ADAMTS3: variants seen among roughly 807,000 people sequenced by gnomAD.
ADAMTS3 encodes ADAM metallopeptidase with thrombospondin type 1 motif 3.
In ADAMTS3, 73 loss-of-function variants were observed where a neutral mutation model predicts 129.0. The observed-to-expected ratio is 0.57, with a 90% CI of 0.47 to 0.69. ADAMTS3 has a LOEUF of 0.69. Ranked by LOEUF, ADAMTS3 falls within the 30% of genes least tolerant of loss-of-function variation. ADAMTS3 has a pLI of 0.00. For missense variants in ADAMTS3, 1,457 were observed against 1,514.5 expected, an observed-to-expected ratio of 0.96 and a Z score of 0.63; for synonymous variants, 477 against 510.8, an observed-to-expected ratio of 0.93 and a Z score of 0.89.
chr4:72,522,219 C>G (rs962159471), intron 3 of ADAMTS3, among the ~76,000 whole-genome samples: 1 of 152,136 alleles, frequency 6.6e-6, no homozygotes, highest in Non-Finnish European at 1.5e-5. Flanking sequence ...ACCTTTCCTC[C>G]CACCATTGAC....
intron 3 of ADAMTS3, among the ~76,000 whole-genome samples, chr4:72,443,571 A>C (rs1278393554): frequency 6.6e-6 from 1 of 151,674 alleles, no homozygotes; most frequent in East Asian, 2.0e-4. Context: ...AAGTAGTTTA[A>C]TACTTGTTCA....
At chr4:72,421,651 A>G (rs1044410603) in intron 3 of ADAMTS3, among the ~76,000 whole-genome samples, 5 of 152,182 alleles carry the variant, frequency 3.3e-5, no homozygotes, top group African/African-American at 7.2e-5. Context: ...ATGTAAAAAC[A>G]TTTAATTAGA....
intron 3 of ADAMTS3, among the ~76,000 whole-genome samples, chr4:72,458,840 A>G (rs72853004): frequency 0.046 from 6,988 of 151,630 alleles, 551 homozygotes; most frequent in African/African-American, 0.16. Context: ...TTCAGTAAGA[A>G]CAAGGCTGAA....
At chr4:72,457,704 AAGGT>A (rs1453588943) in intron 3 of ADAMTS3, among the ~76,000 whole-genome samples, 2 of 151,680 alleles carry the variant, frequency 1.3e-5, no homozygotes, top group Non-Finnish European at 3.0e-5. Flanking sequence ...TGGCAGGTCT[AAGGT>A]AGAAAGATTC....
intron 3 of ADAMTS3, among the ~76,000 whole-genome samples, chr4:72,435,875 T>G (rs1383511763): frequency 6.6e-6 from 1 of 152,032 alleles, no homozygotes; most frequent in East Asian, 1.9e-4. Flanking sequence ...GAGACTTAAA[T>G]GTTAGACCTA....
At chr4:72,307,097 GT>G (rs571684598) in intron 15 of ADAMTS3, among the ~76,000 whole-genome samples, 283 of 151,888 alleles carry the variant, frequency 1.9e-3, no homozygotes, top group African/African-American at 6.1e-3. Context: ...CAGAAATCCA[GT>G]TATCAATCCA....
intron 4 of ADAMTS3, among the ~76,000 whole-genome samples, chr4:72,354,693 G>A (rs75182775): frequency 3.2e-4 from 49 of 151,942 alleles, no homozygotes; most frequent in Middle Eastern, 3.4e-3. Flanking sequence ...CAAGTCATTC[G>A]CTTATCTCAA....
At chr4:72,490,034 C>T (rs80275652) in intron 3 of ADAMTS3, among the ~76,000 whole-genome samples, 8,359 of 151,862 alleles carry the variant, frequency 0.055, 293 homozygotes, top group African/African-American at 0.092. Flanking sequence ...TTATCTTTCA[C>T]TTTTCTCCTA....
chr4:72,543,044 T>C (rs909373150), intron 3 of ADAMTS3, among the ~76,000 whole-genome samples: 5 of 152,200 alleles, frequency 3.3e-5, no homozygotes, highest in Non-Finnish European at 7.3e-5. Context: ...ATTTGCAGTA[T>C]AAATAAGCAA....
chr4:72,405,098 T>C (rs1373478375), intron 4 of ADAMTS3, among the ~76,000 whole-genome samples: 1 of 152,042 alleles, frequency 6.6e-6, no homozygotes, highest in Non-Finnish European at 1.5e-5. Flanking sequence ...TGAATGTAAA[T>C]AGTGCAGTTC....
chr4:72,448,043 C>T (rs756254975), intron 3 of ADAMTS3, among the ~76,000 whole-genome samples: 3 of 151,706 alleles, frequency 2.0e-5, no homozygotes, highest in Non-Finnish European at 4.4e-5. Context: ...TGATCACTCA[C>T]CTGTCCTGTA....
rs764306296 is a variant in ADAMTS3, at chr4:72,548,669, C to A, written c.313G>T (p.Gly105Trp). 1 of 1,614,000 alleles carries A rather than the reference C, an allele frequency of 6.2e-7. No individual in the cohort carries two copies. The highest frequency in any genetic ancestry group is 1.1e-5 in the South Asian group (1 of 91,076). ...GTCTCATGCCACTCCACAACAGCCC[C>A]AGGAGCTACTAGTTGAGTGTTGGGC... ...LKPNTQLVAP[G>W]AVVEWHETSL... The change falls in exon 3 of 22, where the codon GGG (glycine) becomes TGG (tryptophan). Residue 105 changes from glycine (G) to tryptophan (W), a missense_variant. Physicochemically the swap from Gly to Trp is radical, Grantham distance 184 (BLOSUM62 -2). Coordinates refer to ENST00000286657, the MANE Select transcript of ADAMTS3 (RefSeq NM_014243.3).
chr4:72,288,968 A>ACACAC, intron 20 of ADAMTS3, 100 bp from the exon 21 acceptor site: 1 of 738,998 alleles, frequency 1.4e-6, no homozygotes, highest in Non-Finnish European at 2.3e-6. Context: ...ACACACACAC[A>ACACAC]AAGACACAGA....
At chr4:72,444,304 A>G (rs1718196741) in intron 3 of ADAMTS3, among the ~76,000 whole-genome samples, 1 of 151,746 alleles carries the variant, frequency 6.6e-6, no homozygotes, top group Admixed American at 6.6e-5. Flanking sequence ...GACGCATGAT[A>G]AAAATTTATT....
chr4:72,533,624 T>C (rs1441231186), intron 3 of ADAMTS3, among the ~76,000 whole-genome samples: 1 of 151,914 alleles, frequency 6.6e-6, no homozygotes, highest in Non-Finnish European at 1.5e-5. Context: ...TATATATACA[T>C]ATATATGTAT....
rs559696126 is a variant in ADAMTS3, at chr4:72,318,406, A to G, written c.1485+166T>C. On this transcript the variant is annotated intron_variant, in intron 10 of 21. Coordinates refer to ENST00000286657, the MANE Select transcript of ADAMTS3 (RefSeq NM_014243.3). ...TAGTCTGTCATGAGAATTAATTAAG[A>G]CAATATATTTAAAGCATTTAGCTGT... is the stretch of plus-strand genomic sequence containing the variant. Among the ~76,000 whole-genome samples the G allele has an allele frequency of 3.3e-5, 5 of 152,286 alleles. No individual in the cohort carries two copies. The South Asian group carries it at 1.0e-3, about 32-fold the overall frequency.
intron 4 of ADAMTS3, 84 bp downstream of exon 4, chr4:72,414,731 T>A (rs1207869946): frequency 1.4e-5 from 15 of 1,040,692 alleles, no homozygotes; most frequent in Non-Finnish European, 1.9e-5. Flanking sequence ...AACATGGCAA[T>A]CACATTCTCT....
At chr4:72,530,070 A>T (rs374715278) in intron 3 of ADAMTS3, among the ~76,000 whole-genome samples, 60 of 4,402 alleles carry the variant, frequency 0.014, 26 homozygotes, top group African/African-American at 0.026. Context: ...TGTTATATAT[A>T]ACATATTATA....
chr4:72,530,826 G>A (rs1406028701), intron 3 of ADAMTS3, among the ~76,000 whole-genome samples: 13 of 96,966 alleles, frequency 1.3e-4, no homozygotes, highest in Non-Finnish European at 2.4e-4. Flanking sequence ...ATATTATATA[G>A]ATTATATATA....
Sources: allele counts gnomAD v4.1 joint callset (sites outside exome capture counted in the v4.1 genomes callset), GRCh38; gene constraint gnomAD v4.1.1; transcripts MANE v1.5; gene names NCBI Gene and HGNC (gene_info 2026-07-23, HGNC 2026-07-21).